Variants in ZDHHC20 observed in about 807,000 individuals in gnomAD.
The protein encoded by ZDHHC20 is zDHHC palmitoyltransferase 20, also known as palmitoyltransferase ZDHHC20.
Under a neutral mutation model 57.8 loss-of-function variants are expected in ZDHHC20, and 43 were observed. The ratio of observed to expected loss-of-function variants is 0.74; its 90% CI spans 0.58 to 0.96. ZDHHC20 has a LOEUF of 0.96. Ranked by LOEUF, ZDHHC20 falls within the 40% of genes least tolerant of loss-of-function variation. The pLI is 0.00. For synonymous variants in ZDHHC20, 157 were observed against 153.0 expected (o/e 1.03, Z -0.19); for missense variants, 391 against 441.1 (o/e 0.89, Z 1.02).
At chr13:21,414,587 G>A (rs1272547341) in intron 3 of ZDHHC20, among the ~76,000 whole-genome samples, 2 of 144,116 alleles carry the variant, frequency 1.4e-5, no homozygotes, top group Non-Finnish European at 1.5e-5. Context: ...TAGCCAGGAT[G>A]GTCTCGATCT....
intron 4 of ZDHHC20, among the ~76,000 whole-genome samples, chr13:21,403,468 A>G (rs1878003185): frequency 6.6e-6 from 1 of 152,212 alleles, no homozygotes; most frequent in Non-Finnish European, 1.5e-5. Flanking sequence ...GGTGCCAGAT[A>G]TTGTTCATGC....
chr13:21,448,217 A>G (rs1216577473), intron 1 of ZDHHC20, among the ~76,000 whole-genome samples: 3 of 77,446 alleles, frequency 3.9e-5, no homozygotes, highest in East Asian at 3.0e-4. Context: ...CCGCCCGGCC[A>G]GCTGCCCCAT....
At chr13:21,450,921 A>G (rs572428577) in intron 1 of ZDHHC20, among the ~76,000 whole-genome samples, 1 of 152,166 alleles carries the variant, frequency 6.6e-6, no homozygotes, top group South Asian at 2.1e-4. Context: ...TGCCTGGCTA[A>G]TTTTTTATTT....
intron 4 of ZDHHC20, among the ~76,000 whole-genome samples, chr13:21,411,284 C>A (rs1593227076): frequency 6.6e-6 from 1 of 152,198 alleles, no homozygotes; most frequent in Non-Finnish European, 1.5e-5. Flanking sequence ...CTGGGAGCTG[C>A]AGACTGGAGC....
At chr13:21,453,837 A>C (rs570197963) in intron 1 of ZDHHC20, among the ~76,000 whole-genome samples, 6 of 152,230 alleles carry the variant, frequency 3.9e-5, no homozygotes, top group African/African-American at 1.4e-4. Flanking sequence ...TTAAAACAAA[A>C]CAAAATAAAA....
intron 7 of ZDHHC20, among the ~76,000 whole-genome samples, chr13:21,400,151 CT>C (rs919922350): frequency 6.6e-6 from 1 of 151,910 alleles, no homozygotes; most frequent in African/African-American, 2.4e-5. Flanking sequence ...ATTTGGATCA[CT>C]AAAAGAGGCT....
chr13:21,379,704 G>A (rs561660861), intron 11 of ZDHHC20, among the ~76,000 whole-genome samples: 40 of 152,144 alleles, frequency 2.6e-4, no homozygotes, highest in Non-Finnish European at 5.9e-4. Context: ...ACCCAGGTCT[G>A]ATGAAAATTC....
intron 12 of ZDHHC20, among the ~76,000 whole-genome samples, chr13:21,378,059 T>C (rs1872553396): frequency 6.6e-6 from 1 of 152,204 alleles, no homozygotes; most frequent in Admixed American, 6.5e-5. Context: ...TTTCTTTTTT[T>C]GAGACAGGGC....
rs1057251406 is a variant in ZDHHC20, at chr13:21,376,169, A to C, written c.*527T>G. The C allele has an allele frequency of 1.3e-5, 2 of 152,296 alleles. No homozygotes were observed. Among genetic ancestry groups the C allele is most frequent in the Non-Finnish European group, 2.9e-5 (2 of 68,074 alleles). 9.4% of individuals were successfully genotyped at this position (152,296 alleles called of 1,614,324 possible). ...TGTTGAAAAGTATAAAATAGTAATT[A>C]TAAATTAGCAAATACCCAATTTAAA... On this transcript the variant is annotated 3_prime_UTR_variant, in exon 13 of 13. Transcript: ENST00000400590.
chr13:21,406,962 C>T (rs2137825564), intron 4 of ZDHHC20, among the ~76,000 whole-genome samples: 1 of 152,258 alleles, frequency 6.6e-6, no homozygotes, highest in South Asian at 2.1e-4. Context: ...GCCGCGCTGT[C>T]TTCCACAATC....
At chr13:21,429,593 T>C (rs1450168685) in intron 1 of ZDHHC20, among the ~76,000 whole-genome samples, 1 of 152,228 alleles carries the variant, frequency 6.6e-6, no homozygotes, top group African/African-American at 2.4e-5. Flanking sequence ...GATTTTCCTG[T>C]TCAGAGTTTG....
Position 21,373,201 on chromosome 13 carries a change from G to A in ZDHHC20, c.*3495C>T, listed in dbSNP as rs1201289824. 2 of 152,208 alleles carry A rather than the reference G, an allele frequency of 1.3e-5. No individual in the cohort carries two copies. The highest frequency in any genetic ancestry group is 2.4e-5 in the African/African-American group (1 of 41,546). The allele number at this position is 152,208 out of a possible 1,614,324, so 9.4% of individuals were successfully genotyped here. On this transcript the variant is annotated 3_prime_UTR_variant, in exon 13 of 13. Transcript: ENST00000400590. ...GCAGTGCTAGTCCCTAGAACAAAAG[G>A]TAAGCAAAACTTATTTGTAAGTTAC... is the stretch of plus-strand genomic sequence containing the variant.
At chr13:21,437,957 C>A (rs1047471022) in intron 1 of ZDHHC20, among the ~76,000 whole-genome samples, 1 of 152,236 alleles carries the variant, frequency 6.6e-6, no homozygotes, top group African/African-American at 2.4e-5. Flanking sequence ...TCCCAAAATT[C>A]TGGGATTACA....
chr13:21,381,296 G>A (rs541391267), intron 11 of ZDHHC20, 138 bp downstream of exon 11: 72 of 745,046 alleles, frequency 9.7e-5, no homozygotes, highest in African/African-American at 1.8e-4. Flanking sequence ...GTGAGCCACC[G>A]CGCCCAGCAT....
At chr13:21,393,277 C>CG (rs1490214867) in intron 7 of ZDHHC20, among the ~76,000 whole-genome samples, 1 of 151,208 alleles carries the variant, frequency 6.6e-6, no homozygotes. Context: ...CGGAGACAGG[C>CG]GGATCACTTG....
chr13:21,444,928 C>A (rs547490439), intron 1 of ZDHHC20, among the ~76,000 whole-genome samples: 1 of 151,836 alleles, frequency 6.6e-6, no homozygotes, highest in African/African-American at 2.4e-5. Context: ...TGGTGTTATG[C>A]GCCTGTAGTC....
intron 1 of ZDHHC20, among the ~76,000 whole-genome samples, chr13:21,444,522 A>C (rs910367825): frequency 6.6e-6 from 1 of 152,234 alleles, no homozygotes; most frequent in Non-Finnish European, 1.5e-5. Context: ...GGGTACTTTC[A>C]AAAAATACAT....
chr13:21,422,849 C>T (rs1179677601), intron 2 of ZDHHC20, among the ~76,000 whole-genome samples: 1 of 152,006 alleles, frequency 6.6e-6, no homozygotes, highest in Non-Finnish European at 1.5e-5. Context: ...ACCTCATGAC[C>T]AGCACATCCT....
chr13:21,411,074 T>A (rs1304179486), intron 4 of ZDHHC20, among the ~76,000 whole-genome samples: 1 of 152,188 alleles, frequency 6.6e-6, no homozygotes, highest in Non-Finnish European at 1.5e-5. Flanking sequence ...GCACTGTCCC[T>A]CACGGCACAG....
Sources: allele counts gnomAD v4.1 joint callset (sites outside exome capture counted in the v4.1 genomes callset), GRCh38; gene constraint gnomAD v4.1.1; transcripts MANE v1.5; gene names NCBI Gene and HGNC (gene_info 2026-07-23, HGNC 2026-07-21).